SIRPG: variants seen among roughly 807,000 people sequenced by gnomAD.
SIRPG encodes signal-regulatory protein gamma.
Under a neutral mutation model 35.7 loss-of-function variants are expected in SIRPG, and 38 were observed. The ratio of observed to expected loss-of-function variants is 1.06; its 90% CI spans 0.82 to 1.40. SIRPG has a LOEUF of 1.40. Ranked by LOEUF, SIRPG falls within the 40% of genes most tolerant of loss-of-function variation. SIRPG has a pLI of 0.00. For missense variants in SIRPG, 519 were observed against 483.0 expected (o/e 1.07, Z -0.70); for synonymous variants, 215 against 190.4 (o/e 1.13, Z -1.06).
the SIRPG span, among the ~76,000 whole-genome samples, chr20:1,664,403 G>T: frequency 1.3e-5 from 2 of 152,140 alleles, no homozygotes; most frequent in Non-Finnish European, 2.9e-5. Context: ...GGAGTAGGCG[G>T]GAATCCAGAA....
In SIRPG at chr20:1,635,310, C is replaced by T; in HGVS notation, c.1038G>A (p.Glu346=). Residue 346 remains glutamate (E), a synonymous_variant, in exon 4 of 6, where the codon GAG becomes GAA. Coordinates refer to ENST00000303415, the MANE Select transcript of SIRPG (RefSeq NM_018556.4). ...TCTGGTCCTTCTGGTGGACTGTGACCTCTAGGGCAAGGCGTTTGCTGACCG... is the reference window on the plus strand; with the variant it reads ...TCTGGTCCTTCTGGTGGACTGTGACTTCTAGGGCAAGGCGTTTGCTGACCG... ...QLAVSKRLAL[E]VTVHQKDQSS... 6.2e-7 allele frequency: 1 copy of T among 1,614,128 alleles called. No individual in the cohort carries two copies. Among genetic ancestry groups the T allele is most frequent in the South Asian group, 1.1e-5 (1 of 91,076 alleles).
chr20:1,638,213 C>T (rs1287013872), intron 2 of SIRPG, among the ~76,000 whole-genome samples: 1 of 152,114 alleles, frequency 6.6e-6, no homozygotes, highest in Non-Finnish European at 1.5e-5. Flanking sequence ...GTGTGAGTCC[C>T]TTATAGGACC....
At chr20:1,677,629 T>A in the SIRPG span, among the ~76,000 whole-genome samples, 1 of 152,210 alleles carries the variant, frequency 6.6e-6, no homozygotes, top group African/African-American at 2.4e-5. Context: ...TTACCAAAAC[T>A]TGGTGTGTTA....
At chr20:1,665,032 AG>A in the SIRPG span, among the ~76,000 whole-genome samples, 1 of 152,142 alleles carries the variant, frequency 6.6e-6, no homozygotes, top group Non-Finnish European at 1.5e-5. Context: ...CCTCCCCAGC[AG>A]GCCCCTAAGG....
rs745869898 is a variant in SIRPG, at chr20:1,649,083, C to G, written c.399G>C (p.Lys133Asn). ...AAGCCATCTCAGTGCCTGGTCCAGA[C>G]TTAAACTCCACGTTCTCAGGGCTCC... ...RKGSPENVEFKSGPGTEMALG... is the reference protein window; with the variant it reads ...RKGSPENVEFNSGPGTEMALG... The change falls in exon 2 of 6, where the codon AAG becomes AAC. Residue 133 changes from lysine to asparagine, a missense_variant. Transcript: ENST00000303415. The G allele has an allele frequency of 6.2e-7, 1 of 1,613,920 alleles. No individual in the cohort carries two copies. The highest frequency in any genetic ancestry group is 8.5e-7 in the Non-Finnish European group (1 of 1,179,842).
At chr20:1,652,557 C>T (rs759929963) in intron 1 of SIRPG, among the ~76,000 whole-genome samples, 11 of 152,186 alleles carry the variant, frequency 7.2e-5, no homozygotes, top group Non-Finnish European at 1.6e-4. Context: ...AAATGACAGA[C>T]AAACAATATG....
the SIRPG span, chr20:1,670,169 T>C: frequency 3.7e-4 from 96 of 260,866 alleles, 1 homozygote; most frequent in South Asian, 4.8e-3. Context: ...GTAGAAATTC[T>C]TCACCTGGCA....
At chr20:1,668,200 TTTC>T in the SIRPG span, among the ~76,000 whole-genome samples, 389 of 11,502 alleles carry the variant, frequency 0.034, 2 homozygotes, top group African/African-American at 0.098. Context: ...TTTCTTTTCT[TTTC>T]TTTCTTTCTT....
At chr20:1,675,868 G>C in the SIRPG span, among the ~76,000 whole-genome samples, 3 of 141,664 alleles carry the variant, frequency 2.1e-5, no homozygotes, top group South Asian at 2.7e-4. Flanking sequence ...GCAGTGAGCT[G>C]CACTGTTTTT....
intron 4 of SIRPG, among the ~76,000 whole-genome samples, chr20:1,631,805 C>T (rs1055594133): frequency 1.3e-5 from 2 of 152,164 alleles, no homozygotes; most frequent in Non-Finnish European, 2.9e-5. Flanking sequence ...TGGCATCAGG[C>T]TTTTGAAACA....
chr20:1,666,828 T>A, the SIRPG span, among the ~76,000 whole-genome samples: 51 of 152,074 alleles, frequency 3.4e-4, no homozygotes, highest in Admixed American at 2.7e-3. Flanking sequence ...TGTACCATTT[T>A]AAAAAATATT....
chr20:1,670,504 C>A, the SIRPG span, among the ~76,000 whole-genome samples: 1 of 152,276 alleles, frequency 6.6e-6, no homozygotes, highest in African/African-American at 2.4e-5. Context: ...CCCTGGCATG[C>A]AGTTGAAATG....
Position 1,635,419 on chromosome 20 carries a change from C to T in SIRPG, c.929G>A (p.Trp310Ter). The T allele has an allele frequency of 6.2e-7, 1 of 1,614,110 alleles. No individual in the cohort carries two copies. The highest frequency in any genetic ancestry group is 2.2e-5 in the East Asian group (1 of 44,872). The change falls in exon 4 of 6, where the codon TGG becomes TAG. Residue 310 changes from tryptophan (W) to a stop codon, truncating the protein, a stop_gained. Transcript: ENST00000303415. LOFTEE classifies it high-confidence loss of function. ...TATGTTCACCAGGAACCAGCTTGTC[C>T]AGTTGTAGGTACCATCCTTGTTCTC... Reference protein sequence around the residue: ...LTENKDGTYNWTSWFLVNISD... With the variant: ...LTENKDGTYN
the SIRPG span, among the ~76,000 whole-genome samples, chr20:1,683,035 T>C: frequency 6.6e-6 from 1 of 152,092 alleles, no homozygotes; most frequent in Admixed American, 6.5e-5. Flanking sequence ...TATAAAGAAC[T>C]CAAGCAACTC....
the SIRPG span, among the ~76,000 whole-genome samples, chr20:1,673,701 A>G: frequency 4.7e-4 from 72 of 152,284 alleles, no homozygotes; most frequent in African/African-American, 1.6e-3. Context: ...CAAGTTTGGC[A>G]AATTGGCTTT....
At chr20:1,637,000 C>T (rs569471929) in intron 2 of SIRPG, among the ~76,000 whole-genome samples, 5 of 152,248 alleles carry the variant, frequency 3.3e-5, no homozygotes, top group African/African-American at 1.2e-4. Flanking sequence ...CAAAGTGGGA[C>T]AGCAGCATTT....
At chr20:1,665,217 G>A in the SIRPG span, 1 of 156,506 alleles carries the variant, frequency 6.4e-6, no homozygotes, top group South Asian at 2.0e-4. Context: ...TGTGAGCTGG[G>A]CCCTCCGGCT....
At chr20:1,678,845 G>T in the SIRPG span, among the ~76,000 whole-genome samples, 2 of 152,158 alleles carry the variant, frequency 1.3e-5, no homozygotes, top group African/African-American at 4.8e-5. Flanking sequence ...CAAAAGAGAA[G>T]CGATTCCTCT....
Position 1,635,529 on chromosome 20 carries a change from C to T in SIRPG, c.819G>A (p.Val273=), listed in dbSNP as rs762334146. The T allele has an allele frequency of 6.2e-6, 10 of 1,614,210 alleles. No homozygotes were observed. Among genetic ancestry groups the T allele is most frequent in the South Asian group, 1.1e-5 (1 of 91,088 alleles). ...GTAGGCTCTGGGGGTAGAACTTCCTCACCTGGCAGGTGACGTTTACCTGGT... is the reference window on the plus strand; with the variant it reads ...GTAGGCTCTGGGGGTAGAACTTCCTTACCTGGCAGGTGACGTTTACCTGGT... The part of the protein sequence containing the change: ...VGNQVNVTCQ[V]RKFYPQSLQL... Residue 273 remains valine (V), a synonymous_variant, in exon 4 of 6, where the codon GTG becomes GTA. Coordinates refer to ENST00000303415, the MANE Select transcript of SIRPG (RefSeq NM_018556.4).
Sources: gnomAD v4.1 joint callset for allele counts (sites outside exome capture counted in the v4.1 genomes callset) on GRCh38, gnomAD v4.1.1 for gene constraint, MANE v1.5 for transcripts, NCBI Gene and HGNC (gene_info 2026-07-23, HGNC 2026-07-21) for gene names.